Variants in BMPR2 observed in about 807,000 individuals in gnomAD.
The protein encoded by BMPR2 is bone morphogenetic protein receptor type-2.
BMPR2 carries 29 observed loss-of-function variants against 100.8 expected under a neutral mutation model. The ratio of observed to expected loss-of-function variants is 0.29; its 90% CI spans 0.21 to 0.39. The LOEUF (loss-of-function observed/expected upper bound fraction) is 0.39, where lower values mean the gene tolerates loss of function less well. Among genes scored for constraint, BMPR2 ranks in the 10% least tolerant of loss-of-function variants. BMPR2 has a pLI of 1.00. For missense variants in BMPR2, 1,011 were observed against 1,274.5 expected, an observed-to-expected ratio of 0.79 and a Z score of 3.15; for synonymous variants, 382 against 442.3, an observed-to-expected ratio of 0.86 and a Z score of 1.71.
In BMPR2 at chr2:202,376,664, G is replaced by A. The variant is rs1690152520; in HGVS notation, c.-811G>A. Reference sequence around the variant, plus strand: ...CAAGATCGAGCCGCAGGAATAAAAAGCGAGGAAGGGAAGGGAGCGCCGCCG... The same window carrying A: ...CAAGATCGAGCCGCAGGAATAAAAAACGAGGAAGGGAAGGGAGCGCCGCCG... On this transcript the variant is annotated 5_prime_UTR_variant, in exon 1 of 13. Transcript: ENST00000374580. Among the ~76,000 whole-genome samples, 1 of 149,070 alleles carries A rather than the reference G, an allele frequency of 6.7e-6. No individual in the cohort carries two copies. The highest frequency in any genetic ancestry group is 2.3e-4 in the South Asian group (1 of 4,398).
chr2:202,499,457 G>C (rs1687320863), intron 3 of BMPR2, among the ~76,000 whole-genome samples: 1 of 152,160 alleles, frequency 6.6e-6, no homozygotes, highest in African/African-American at 2.4e-5. Flanking sequence ...CTCAGATCAT[G>C]GGGACTGGAG....
intron 3 of BMPR2, among the ~76,000 whole-genome samples, chr2:202,501,621 C>G (rs890032107): frequency 2.6e-5 from 4 of 152,162 alleles, no homozygotes; most frequent in African/African-American, 9.7e-5. Flanking sequence ...GTAGTTGCAG[C>G]AGTGGCCATC....
At chr2:202,471,623 G>A (rs559567572) in intron 3 of BMPR2, among the ~76,000 whole-genome samples, 9 of 152,074 alleles carry the variant, frequency 5.9e-5, no homozygotes, top group Non-Finnish European at 1.2e-4. Flanking sequence ...CAAAAAGGGG[G>A]ATCGCATTTT....
chr2:202,461,038 C>A (rs1692215304), intron 1 of BMPR2, among the ~76,000 whole-genome samples: 1 of 151,944 alleles, frequency 6.6e-6, no homozygotes, highest in African/African-American at 2.4e-5. Flanking sequence ...CTTGTGGTTA[C>A]CTTACTGTGT....
At chr2:202,400,253 TACTTCA>T (rs1321984967) in intron 1 of BMPR2, among the ~76,000 whole-genome samples, 1 of 152,060 alleles carries the variant, frequency 6.6e-6, no homozygotes, top group Non-Finnish European at 1.5e-5. Flanking sequence ...GCCATCCTCC[TACTTCA>T]GCCTCCTGAG....
intron 3 of BMPR2, among the ~76,000 whole-genome samples, chr2:202,490,916 T>C (rs1053607043): frequency 6.6e-6 from 1 of 151,948 alleles, no homozygotes; most frequent in Admixed American, 6.6e-5. Flanking sequence ...TTTTTTGTTT[T>C]TGTTTTTTGT....
At chr2:202,517,364 C>G (rs1240936027) in intron 5 of BMPR2, among the ~76,000 whole-genome samples, 1 of 148,186 alleles carries the variant, frequency 6.7e-6, no homozygotes, top group African/African-American at 2.5e-5. Context: ...CTCTGTCATC[C>G]AGGCTGGAGT....
At chr2:202,409,980 A>ATTTCTTTTCTTTTTCTT (rs1255572174) in intron 1 of BMPR2, among the ~76,000 whole-genome samples, 1 of 151,004 alleles carries the variant, frequency 6.6e-6, no homozygotes, top group Non-Finnish European at 1.5e-5. Context: ...CCAGATCTTG[A>ATTTCTTTTCTTTTTCTT]TTTCTTTTCT....
intron 3 of BMPR2, among the ~76,000 whole-genome samples, chr2:202,500,505 G>A (rs899640723): frequency 4.3e-4 from 66 of 152,268 alleles, no homozygotes; most frequent in Non-Finnish European, 5.9e-4. Context: ...CAATTTGGAA[G>A]GGCAAAAAAT....
At chr2:202,444,627 T>C (rs1300677040) in intron 1 of BMPR2, among the ~76,000 whole-genome samples, 1 of 150,756 alleles carries the variant, frequency 6.6e-6, no homozygotes, top group Non-Finnish European at 1.5e-5. Context: ...TAGAACACTA[T>C]ACATGTACTA....
chr2:202,499,888 A>G (rs1406844099), intron 3 of BMPR2, among the ~76,000 whole-genome samples: 2 of 152,234 alleles, frequency 1.3e-5, no homozygotes, highest in African/African-American at 4.8e-5. Context: ...GAGAGGACAG[A>G]AAATGGAGTA....
intron 1 of BMPR2, among the ~76,000 whole-genome samples, chr2:202,386,196 T>A (rs774401485): frequency 6.6e-6 from 1 of 152,214 alleles, no homozygotes; most frequent in Non-Finnish European, 1.5e-5. Flanking sequence ...AAATAGCATC[T>A]AAAGGCGTAC....
chr2:202,377,455 G>T lies in BMPR2; in HGVS notation c.-20G>T. The T allele has an allele frequency of 2.5e-6, 4 of 1,614,028 alleles. No homozygotes were observed. Among genetic ancestry groups the T allele is most frequent in the Non-Finnish European group, 3.4e-6 (4 of 1,179,840 alleles). On this transcript the variant is annotated 5_prime_UTR_variant, in exon 1 of 13. Coordinates refer to ENST00000374580, the MANE Select transcript of BMPR2 (RefSeq NM_001204.7). ...CCATATTTCTTTTCTTTGCCCTCCT[G>T]ATTCTTGGCTGGCCCAGGGATGACT...
chr2:202,456,063 CAAAAAAAAAAAAAAA>C (rs750470872), intron 1 of BMPR2, among the ~76,000 whole-genome samples: 9 of 36,764 alleles, frequency 2.4e-4, no homozygotes, highest in East Asian at 1.4e-3. Context: ...AGACCCGTCT[CAAAAAAAAAAAAAAA>C]AAAAAAAAAA....
At chr2:202,546,698 G>T (rs1188352089) in intron 10 of BMPR2, among the ~76,000 whole-genome samples, 2 of 152,082 alleles carry the variant, frequency 1.3e-5, no homozygotes, top group African/African-American at 4.8e-5. Flanking sequence ...CTGCCTCCTG[G>T]GTTCAAGCGA....
intron 1 of BMPR2, among the ~76,000 whole-genome samples, chr2:202,453,962 A>G (rs764722507): frequency 2.1e-4 from 32 of 152,178 alleles, no homozygotes; most frequent in Non-Finnish European, 4.0e-4. Context: ...CCACAAAAAT[A>G]AAAAAATTTT....
chr2:202,422,381 A>G (rs1346891382), intron 1 of BMPR2, among the ~76,000 whole-genome samples: 1 of 151,962 alleles, frequency 6.6e-6, no homozygotes, highest in East Asian at 1.9e-4. Context: ...ATCTGGGCTC[A>G]CTGCAAACTC....
chr2:202,415,212 G>A (rs904244855), intron 1 of BMPR2, among the ~76,000 whole-genome samples: 1 of 152,032 alleles, frequency 6.6e-6, no homozygotes, highest in Non-Finnish European at 1.5e-5. Flanking sequence ...GCTCACACCT[G>A]TAATCCCAGC....
rs1043228781 is a variant in BMPR2, at chr2:202,532,745, G to A, written c.1276+13G>A. On this transcript the variant is annotated intron_variant, in intron 9 of 12. Transcript: ENST00000374580. This position sits in a 1 kb window ranked among gnomAD's most constrained non-coding sequence, Gnocchi z 4.1. ...GACCTCTTCCCAGGTAAAAACTACT[G>A]TCAAAAGTTGATATTTTTTGAAGTG... is the stretch of plus-strand genomic sequence containing the variant. 1.2e-6 allele frequency: 2 copies of A among 1,609,434 alleles called. No homozygotes were observed. The highest frequency in any genetic ancestry group is 1.3e-5 in the African/African-American group (1 of 74,894).
Sources: allele counts gnomAD v4.1 joint callset (sites outside exome capture counted in the v4.1 genomes callset), GRCh38; gene constraint gnomAD v4.1.1; non-coding constraint Gnocchi (gnomAD v3.1); transcripts MANE v1.5; gene names NCBI Gene and HGNC (gene_info 2026-07-23, HGNC 2026-07-21).